TTC6: variants seen among roughly 807,000 people sequenced by gnomAD.
TTC6 encodes tetratricopeptide repeat domain 6.
In TTC6, 172 loss-of-function variants were observed where a neutral mutation model predicts 210.4. The observed-to-expected ratio is 0.82, with a 90% CI of 0.72 to 0.93. The LOEUF is 0.93. TTC6 is among the 40% of genes least tolerant of loss of function. The probability of loss-of-function intolerance (pLI) is 0.00; values close to 1 mark genes in which losing one functional copy is unlikely to be tolerated. For synonymous variants in TTC6, 804 were observed against 819.6 expected, an observed-to-expected ratio of 0.98 and a Z score of 0.32; for missense variants, 2,414 against 2,318.1, an observed-to-expected ratio of 1.04 and a Z score of -0.85.
intron 29 of TTC6, chr14:37,837,293 G>T: frequency 2.5e-6 from 1 of 401,224 alleles, no homozygotes; most frequent in Non-Finnish European, 4.9e-6. Context: ...ATTTATTGGT[G>T]AATTAAAATG....
chr14:37,797,399 A>G (rs914320760), intron 20 of TTC6, among the ~76,000 whole-genome samples: 19 of 152,044 alleles, frequency 1.2e-4, no homozygotes, highest in Admixed American at 3.3e-4. Flanking sequence ...CTTAATTCAC[A>G]CTTCTCAGTT....
At chr14:37,783,654 A>T (rs2096060790) in intron 14 of TTC6, among the ~76,000 whole-genome samples, 1 of 151,248 alleles carries the variant, frequency 6.6e-6, no homozygotes, top group Non-Finnish European at 1.5e-5. Flanking sequence ...GATCTTAGTT[A>T]TTTCTTGCCT....
At chr14:37,644,370 T>C (rs1454503349) in intron 1 of TTC6, among the ~76,000 whole-genome samples, 1 of 152,180 alleles carries the variant, frequency 6.6e-6, no homozygotes, top group Non-Finnish European at 1.5e-5. Flanking sequence ...AGGGCCATCG[T>C]AAGGTCCAAC....
At chr14:37,814,401 A>G (rs1319783626) in intron 25 of TTC6, among the ~76,000 whole-genome samples, 1 of 152,180 alleles carries the variant, frequency 6.6e-6, no homozygotes, top group African/African-American at 2.4e-5. Flanking sequence ...TCAAAAAGGT[A>G]GAAAATAAAC....
intron 14 of TTC6, among the ~76,000 whole-genome samples, chr14:37,786,026 G>C (rs1385769985): frequency 2.6e-5 from 4 of 152,196 alleles, no homozygotes; most frequent in Non-Finnish European, 5.9e-5. Flanking sequence ...TGAGGCGTCT[G>C]TTGGCCCCTA....
intron 25 of TTC6, among the ~76,000 whole-genome samples, chr14:37,816,846 C>G (rs1176143402): frequency 6.6e-6 from 1 of 152,178 alleles, no homozygotes; most frequent in Non-Finnish European, 1.5e-5. Flanking sequence ...AAGCCATGAG[C>G]TTCAGACACT....
chr14:37,835,979 C>G (rs2096196990), intron 29 of TTC6, among the ~76,000 whole-genome samples: 1 of 152,154 alleles, frequency 6.6e-6, no homozygotes, highest in South Asian at 2.1e-4. Context: ...TCCATTTATT[C>G]TCATGACTTA....
intron 4 of TTC6, among the ~76,000 whole-genome samples, chr14:37,699,113 A>C (rs1019601161): frequency 6.6e-6 from 1 of 152,196 alleles, no homozygotes; most frequent in East Asian, 1.9e-4. Context: ...TTACAAAAAG[A>C]GACAGTTTGT....
intron 1 of TTC6, among the ~76,000 whole-genome samples, chr14:37,605,895 G>GT (rs200989659): frequency 0.01 from 1,453 of 144,860 alleles, 11 homozygotes; most frequent in Middle Eastern, 0.015. Flanking sequence ...TTATTCACAG[G>GT]TTTTTTTTTT....
At chr14:37,611,699 C>G (rs1401678463) in intron 2 of TTC6, among the ~76,000 whole-genome samples, 1 of 152,046 alleles carries the variant, frequency 6.6e-6, no homozygotes, top group Admixed American at 6.5e-5. Flanking sequence ...AAAGAGACTT[C>G]GGGAGGTGAA....
intron 1 of TTC6, among the ~76,000 whole-genome samples, chr14:37,678,753 G>T (rs376230319): frequency 1.1e-3 from 170 of 152,204 alleles, no homozygotes; most frequent in African/African-American, 3.9e-3. Context: ...GTAATATTTT[G>T]TCCAGTTTTA....
At chr14:37,754,694 A>C (rs2095962302) in intron 14 of TTC6, among the ~76,000 whole-genome samples, 2 of 152,040 alleles carry the variant, frequency 1.3e-5, no homozygotes, top group Non-Finnish European at 2.9e-5. Context: ...TGGTCTCCCA[A>C]AGTGCTGGGA....
At chr14:37,638,594 G>A (rs576389694) in intron 1 of TTC6, among the ~76,000 whole-genome samples, 1 of 122,638 alleles carries the variant, frequency 8.2e-6, no homozygotes, top group East Asian at 2.9e-4. Context: ...CAGGAATGGA[G>A]AACAAGTTTG....
intron 15 of TTC6, among the ~76,000 whole-genome samples, chr14:37,788,180 A>G (rs549969431): frequency 6.6e-6 from 1 of 152,174 alleles, no homozygotes; most frequent in African/African-American, 2.4e-5. Context: ...AAAAATGGCC[A>G]TTTCTGTGTT....
intron 14 of TTC6, among the ~76,000 whole-genome samples, chr14:37,776,479 C>T (rs1405940086): frequency 6.6e-6 from 1 of 152,032 alleles, no homozygotes; most frequent in African/African-American, 2.4e-5. Context: ...ATTTAGCATT[C>T]CCTTCAGGAC....
chr14:37,840,680 G>A (rs1181677598), intron 29 of TTC6, among the ~76,000 whole-genome samples: 3 of 152,308 alleles, frequency 2.0e-5, no homozygotes, highest in South Asian at 2.1e-4. Context: ...TGGGATGCAA[G>A]GCTGGTTCAA....
In TTC6 at chr14:37,756,779, GT is replaced by G. The variant is rs1229559419; in HGVS notation, c.3266+3546del. On this transcript the variant is annotated intron_variant, in intron 14 of 30. Transcript: ENST00000553443. The stretch of plus-strand genomic sequence containing the variant: ...TTTTATTGAGGATTTTCACATCGAT[GT>G]TCATCAGCGATATTGACCTGAAATT... Among the ~76,000 whole-genome samples the G allele has an allele frequency of 2.6e-5, 4 of 152,220 alleles. No individual in the cohort carries two copies. The East Asian group carries it at 7.7e-4, about 29-fold the overall frequency.
chr14:37,595,827 C>CT (rs1033389581), upstream of TTC6: 25 of 150,498 alleles, frequency 1.7e-4, no homozygotes, highest in Admixed American at 6.6e-4. Context: ...AGAATACAGA[C>CT]TTTTTTTTTT....
chr14:37,803,197 G>A (rs543585983), intron 20 of TTC6, among the ~76,000 whole-genome samples: 3 of 151,976 alleles, frequency 2.0e-5, no homozygotes, highest in Non-Finnish European at 2.9e-5. Flanking sequence ...ACTCTAGCTG[G>A]ATACCTGATG....
Sources: allele counts gnomAD v4.1 joint callset (sites outside exome capture counted in the v4.1 genomes callset), GRCh38; gene constraint gnomAD v4.1.1; transcripts MANE v1.5; gene names NCBI Gene and HGNC (gene_info 2026-07-23, HGNC 2026-07-21).